The following SLC22A23 variants were observed in gnomAD, a reference collection of about 807,000 sequenced individuals.
SLC22A23 encodes solute carrier family 22 member 23, also known as ion transporter protein.
In SLC22A23, 26 loss-of-function variants were observed where a neutral mutation model predicts 61.0. The observed-to-expected ratio is 0.43, with a 90% CI of 0.31 to 0.59. The LOEUF (loss-of-function observed/expected upper bound fraction) is 0.59, where lower values mean the gene tolerates loss of function less well. SLC22A23 is among the 20% of genes least tolerant of loss of function. The pLI, the probability that SLC22A23 is intolerant of heterozygous loss-of-function variation, is 0.11. For missense variants in SLC22A23, 796 were observed against 934.7 expected (o/e 0.85, Z 1.94); for synonymous variants, 430 against 413.9 (o/e 1.04, Z -0.47).
Position 3,273,249 on chromosome 6 carries a change from C to G in SLC22A23, c.1867G>C (p.Asp623His). 6.2e-7 allele frequency: 1 copy of G among 1,613,064 alleles called. No homozygotes were observed. Residue 623 changes from aspartate to histidine, a missense_variant, in exon 10 of 10, where the codon GAC (aspartate) becomes CAC (histidine). Physicochemically the swap from Asp to His is moderately conservative, Grantham distance 81. Transcript: ENST00000406686. ...GAAATGTTCTCAGGCAGGTTCTGGT[C>G]CCTGCTCTCGGGCAGCAGGAGGATG... ...ICILLLPESRDQNLPENISNG... is the reference protein window; with the variant it reads ...ICILLLPESRHQNLPENISNG...
At chr6:3,349,123 G>A (rs927525629) in intron 3 of SLC22A23, among the ~76,000 whole-genome samples, 5 of 152,234 alleles carry the variant, frequency 3.3e-5, no homozygotes, top group Non-Finnish European at 7.3e-5. Flanking sequence ...AAACAGCTGG[G>A]TGATGGGGTG....
rs375833476 is a variant in SLC22A23 at position 3,269,577 on chromosome 6, A to G, written c.*3478T>C. The stretch of plus-strand genomic sequence containing the variant: ...TGAACGACAGTTCAGAACTCAGCGT[A>G]AGCTTGTGCTATGAACGAGCACCGT... On this transcript the variant is annotated 3_prime_UTR_variant, in exon 10 of 10. Transcript: ENST00000406686. 9 of 152,986 alleles carry G rather than the reference A, an allele frequency of 5.9e-5. No homozygotes were observed. The East Asian group carries it at 7.5e-4, about 13-fold the overall frequency. The allele number at this position is 152,986 out of a possible 1,614,324, so 9.5% of individuals were successfully genotyped here.
chr6:3,405,267 T>TA (rs1001198356), intron 3 of SLC22A23, among the ~76,000 whole-genome samples: 22 of 139,098 alleles, frequency 1.6e-4, no homozygotes, highest in African/African-American at 2.7e-4. Flanking sequence ...TCAAAAAATT[T>TA]AAAAAAAAAA....
Position 3,297,334 on chromosome 6 carries a change from G to A in SLC22A23, c.1210+757C>T, listed in dbSNP as rs757684745. On this transcript the variant is annotated intron_variant, in intron 5 of 9. Coordinates refer to ENST00000406686, the MANE Select transcript of SLC22A23 (RefSeq NM_015482.2). The surrounding 1 kb of genome is among the most constrained non-coding windows in gnomAD (Gnocchi z 4.3). ...ATTTTATAGCAACAATTTATCCCAG[G>A]TCTTCAGTGAGGGCAGTGAGTCAGA... Among the ~76,000 whole-genome samples the A allele has an allele frequency of 6.6e-6, 1 of 152,166 alleles. No homozygotes were observed. The highest frequency in any genetic ancestry group is 1.5e-5 in the Non-Finnish European group (1 of 68,038).
At chr6:3,350,839 G>C (rs1256868431) in intron 3 of SLC22A23, among the ~76,000 whole-genome samples, 1 of 152,156 alleles carries the variant, frequency 6.6e-6, no homozygotes, top group Non-Finnish European at 1.5e-5. Context: ...GAATTTCTTG[G>C]TGGTAATGGG....
chr6:3,432,485 G>T (rs987412350), intron 1 of SLC22A23: 4 of 736,316 alleles, frequency 5.4e-6, no homozygotes, highest in African/African-American at 3.8e-5. Context: ...TTCCAGGAAC[G>T]CGTCTCCTTC....
At chr6:3,426,004 A>T (rs1770463766) in intron 1 of SLC22A23, among the ~76,000 whole-genome samples, 1 of 152,256 alleles carries the variant, frequency 6.6e-6, no homozygotes, top group Non-Finnish European at 1.5e-5. Context: ...GAAGCAAAGT[A>T]GCATACTGAA....
chr6:3,389,583 T>A (rs970794879), intron 3 of SLC22A23, among the ~76,000 whole-genome samples: 2 of 152,194 alleles, frequency 1.3e-5, no homozygotes, highest in Non-Finnish European at 2.9e-5. Context: ...GCATCCTTTC[T>A]GTCTACTGCT....
Position 3,332,886 on chromosome 6 carries a change from G to T in SLC22A23, c.914-8884C>A, listed in dbSNP as rs561497160. ...TTTCCCCATGGAACTTGAAGAAACC[G>T]CTGGTTTTATGTGACTGTCCCGTGA... On this transcript the variant is annotated intron_variant, in intron 3 of 9. Coordinates refer to ENST00000406686, the MANE Select transcript of SLC22A23 (RefSeq NM_015482.2). 9.2e-5 allele frequency among the ~76,000 whole-genome samples: 14 copies of T among 152,178 alleles called. No individual in the cohort carries two copies. The South Asian group carries it at 2.9e-3, about 32-fold the overall frequency.
chr6:3,282,101 A>G, intron 9 of SLC22A23: 1 of 662,606 alleles, frequency 1.5e-6, no homozygotes, highest in Non-Finnish European at 2.7e-6. Flanking sequence ...CCAACAAAAT[A>G]TGCATAATCA....
At chr6:3,455,755 T>G in intron 1 of SLC22A23, 151 bp downstream of exon 1, 1 of 940,506 alleles carries the variant, frequency 1.1e-6, no homozygotes, top group Non-Finnish European at 1.5e-6. Flanking sequence ...GGCATGTGGT[T>G]TGGGGGACGG....
chr6:3,320,976 A>G (rs935478812), intron 4 of SLC22A23, among the ~76,000 whole-genome samples: 1 of 152,204 alleles, frequency 6.6e-6, no homozygotes, highest in African/African-American at 2.4e-5. Context: ...GCACTGTTCT[A>G]AATGTCTCAT....
At chr6:3,443,347 T>A (rs147015650) in intron 1 of SLC22A23, among the ~76,000 whole-genome samples, 1 of 152,080 alleles carries the variant, frequency 6.6e-6, no homozygotes, top group African/African-American at 2.4e-5. Flanking sequence ...AAGGCAGGGG[T>A]GGGAGTGACA....
At chr6:3,292,717 G>A (rs1459821717) in intron 5 of SLC22A23, among the ~76,000 whole-genome samples, 1 of 152,250 alleles carries the variant, frequency 6.6e-6, no homozygotes, top group African/African-American at 2.4e-5. Flanking sequence ...CCCAGCTTCT[G>A]CACTTCCGGC....
chr6:3,287,131 C>CA, intron 6 of SLC22A23, 40 bp from the exon 7 acceptor site: 1 of 1,587,184 alleles, frequency 6.3e-7, no homozygotes, highest in Admixed American at 1.7e-5. Flanking sequence ...GGGCTGCCCC[C>CA]ATGCCAGGGG....
Position 3,273,054 on chromosome 6 carries a change from G to C in SLC22A23, c.*1C>G. The C allele has an allele frequency of 6.5e-7, 1 of 1,547,572 alleles. No individual in the cohort carries two copies. Among genetic ancestry groups the C allele is most frequent in the Non-Finnish European group, 8.7e-7 (1 of 1,148,408 alleles). ...TGGAGCCCCGGGTTCCGCAGGCCGG[G>C]CTACATGGCCTTCATGCCGTTGGCC... On this transcript the variant is annotated 3_prime_UTR_variant, in exon 10 of 10. Coordinates refer to ENST00000406686, the MANE Select transcript of SLC22A23 (RefSeq NM_015482.2).
At position 3,318,129 on chromosome 6, in the gene SLC22A23, G is replaced by A. The variant is rs924844900; in HGVS notation, c.1082+5705C>T. 6.6e-6 allele frequency among the ~76,000 whole-genome samples: 1 copy of A among 152,112 alleles called. No homozygotes were observed. Among genetic ancestry groups the A allele is most frequent in the Non-Finnish European group, 1.5e-5 (1 of 68,012 alleles). ...TCCTGGCCAGCGTCTCCACCCTGGG[G>A]GTCACTTCATTCCAGAACTCTGCAA... On this transcript the variant is annotated intron_variant, in intron 4 of 9. Transcript: ENST00000406686. The surrounding 1 kb of genome is among the most constrained non-coding windows in gnomAD (Gnocchi z 4.3).
intron 4 of SLC22A23, among the ~76,000 whole-genome samples, chr6:3,302,387 G>A (rs971109726): frequency 1.3e-5 from 2 of 151,912 alleles, no homozygotes; most frequent in Non-Finnish European, 2.9e-5. Flanking sequence ...CCAACTTTTT[G>A]TTTCATTGAT....
intron 4 of SLC22A23, among the ~76,000 whole-genome samples, chr6:3,300,260 C>T (rs1341001482): frequency 6.6e-6 from 1 of 152,088 alleles, no homozygotes; most frequent in Non-Finnish European, 1.5e-5. Context: ...CCGCCTGCCT[C>T]GGCCTCCCAA....
Sources: allele counts gnomAD v4.1 joint callset (sites outside exome capture counted in the v4.1 genomes callset), GRCh38; gene constraint gnomAD v4.1.1; non-coding constraint Gnocchi (gnomAD v3.1); transcripts MANE v1.5; gene names NCBI Gene and HGNC (gene_info 2026-07-23, HGNC 2026-07-21).